Variants in DENND1B observed in about 807,000 individuals in gnomAD.
DENND1B encodes DENN domain-containing protein 1B.
DENND1B carries 59 observed loss-of-function variants against 90.1 expected under a neutral mutation model. The observed-to-expected ratio is 0.65, with a 90% CI of 0.53 to 0.81. DENND1B has a LOEUF of 0.81. DENND1B is among the 40% of genes least tolerant of loss of function. The pLI, the probability that DENND1B is intolerant of heterozygous loss-of-function variation, is 0.00. For synonymous variants in DENND1B, 337 were observed against 324.6 expected, an observed-to-expected ratio of 1.04 and a Z score of -0.41; for missense variants, 862 against 912.6, an observed-to-expected ratio of 0.94 and a Z score of 0.71.
At chr1:197,621,315 A>G (rs962866925) in intron 10 of DENND1B, among the ~76,000 whole-genome samples, 4 of 151,060 alleles carry the variant, frequency 2.6e-5, no homozygotes, top group Non-Finnish European at 5.9e-5. Context: ...TTAAAGGAAA[A>G]TAGAGCCTTC....
chr1:197,772,740 A>G, intron 2 of DENND1B, 128 bp downstream of exon 2: 1 of 726,002 alleles, frequency 1.4e-6, no homozygotes, highest in East Asian at 2.8e-5. Context: ...TGGGAGGATC[A>G]CCTGAACCCG....
intron 6 of DENND1B, among the ~76,000 whole-genome samples, chr1:197,653,731 G>A (rs1197767840): frequency 6.6e-6 from 1 of 151,280 alleles, no homozygotes; most frequent in Non-Finnish European, 1.5e-5. Flanking sequence ...ATTACTGATG[G>A]TTTCAGGAAA....
chr1:197,716,021 C>T (rs1775457), intron 2 of DENND1B, among the ~76,000 whole-genome samples: 127,400 of 151,606 alleles, frequency 0.84, 53,813 homozygotes, highest in African/African-American at 0.93. Flanking sequence ...TTGAACTCCA[C>T]GCCAAGTAAA....
intron 20 of DENND1B, among the ~76,000 whole-genome samples, chr1:197,522,456 G>C (rs1054956958): frequency 6.6e-6 from 1 of 152,044 alleles, no homozygotes; most frequent in African/African-American, 2.4e-5. Flanking sequence ...CCAGTCCATA[G>C]TGATTTCAGA....
At chr1:197,726,734 C>T (rs888750497) in intron 2 of DENND1B, among the ~76,000 whole-genome samples, 4 of 152,036 alleles carry the variant, frequency 2.6e-5, no homozygotes, top group Non-Finnish European at 4.4e-5. Flanking sequence ...AAAATGGGAT[C>T]GAGACCCAGA....
At chr1:197,718,475 A>C (rs146707148) in intron 2 of DENND1B, among the ~76,000 whole-genome samples, 20 of 152,020 alleles carry the variant, frequency 1.3e-4, no homozygotes, top group African/African-American at 4.8e-4. Flanking sequence ...GTAATGTATG[A>C]TTTTTATTCT....
intron 2 of DENND1B, among the ~76,000 whole-genome samples, chr1:197,766,577 G>C (rs1655728018): frequency 6.6e-6 from 1 of 152,112 alleles, no homozygotes; most frequent in Non-Finnish European, 1.5e-5. Flanking sequence ...ATGAAGAGAG[G>C]AAAGGAGACA....
At chr1:197,592,393 T>A (rs1675315889) in intron 14 of DENND1B, among the ~76,000 whole-genome samples, 1 of 152,168 alleles carries the variant, frequency 6.6e-6, no homozygotes, top group Non-Finnish European at 1.5e-5. Flanking sequence ...AATGGTCAGT[T>A]AACGTTTTAA....
At chr1:197,529,277 T>C (rs1030044274) in intron 20 of DENND1B, among the ~76,000 whole-genome samples, 1 of 137,218 alleles carries the variant, frequency 7.3e-6, no homozygotes. Flanking sequence ...TGTATATGTA[T>C]ATATGTATAT....
chr1:197,733,067 GA>G (rs1008731444), intron 2 of DENND1B, among the ~76,000 whole-genome samples: 19 of 151,916 alleles, frequency 1.3e-4, no homozygotes, highest in African/African-American at 3.4e-4. Flanking sequence ...GGAAATTGGG[GA>G]AAAAAACAAT....
At chr1:197,550,915 G>A (rs1671181646) in intron 16 of DENND1B, among the ~76,000 whole-genome samples, 1 of 151,788 alleles carries the variant, frequency 6.6e-6, no homozygotes, top group South Asian at 2.1e-4. Context: ...CAATAAATAT[G>A]AGCAATTATT....
At position 197,617,706 on chromosome 1, in the gene DENND1B, T is replaced by C. The variant is rs753358300; in HGVS notation, c.726A>G (p.Gln242=). 5 of 1,607,860 alleles carry C rather than the reference T, an allele frequency of 3.1e-6. No homozygotes were observed. The South Asian group carries it at 4.4e-5, about 14-fold the overall frequency. ...GAGGAAGCACTGGGATGTATATGTG[T>C]TGCCAATACATTGGGTATAGAAGAG... ...SAALLYPMYW[Q]HIYIPVLPPH... is the part of the protein sequence containing the mutation. Residue 242 remains glutamine, a synonymous_variant, in exon 11 of 23, where the codon CAA becomes CAG. Coordinates refer to ENST00000620048, the MANE Select transcript of DENND1B (RefSeq NM_001195215.2).
intron 20 of DENND1B, among the ~76,000 whole-genome samples, chr1:197,525,872 T>G (rs1669100533): frequency 6.6e-6 from 1 of 151,972 alleles, no homozygotes; most frequent in Non-Finnish European, 1.5e-5. Flanking sequence ...TTCAAAAGCA[T>G]TTACTATAAA....
chr1:197,721,070 T>G (rs1571496179), intron 2 of DENND1B, among the ~76,000 whole-genome samples: 1 of 141,100 alleles, frequency 7.1e-6, no homozygotes, highest in South Asian at 2.4e-4. Context: ...ACGGCATTTT[T>G]TTTTTTTTTT....
rs11805327 is a variant in DENND1B at position 197,586,801 on chromosome 1, A to G, written c.1048-3548T>C. 5.9e-3 allele frequency among the ~76,000 whole-genome samples: 898 copies of G among 152,342 alleles called. 13 individuals are homozygous for G. Among genetic ancestry groups the G allele is most frequent in the African/African-American group, 0.02 (840 of 41,572 alleles). ...CAAGAACATGGTCTCAACTGGAGAC[A>G]AGCTTCAGCCGAATCCCATGGGAAA... is the stretch of plus-strand genomic sequence containing the variant. On this transcript the variant is annotated intron_variant, in intron 14 of 22. Transcript: ENST00000620048.
chr1:197,633,130 A>C (rs1476414765), intron 10 of DENND1B, among the ~76,000 whole-genome samples: 1 of 152,198 alleles, frequency 6.6e-6, no homozygotes, highest in African/African-American at 2.4e-5. Flanking sequence ...CATACATACC[A>C]ATTATGGCCT....
At chr1:197,605,931 T>C (rs969600693) in intron 13 of DENND1B, 1 of 151,006 alleles carries the variant, frequency 6.6e-6, no homozygotes, top group African/African-American at 2.4e-5. Flanking sequence ...TATTTTTGAG[T>C]TTAGGATTTT....
chr1:197,525,313 T>C (rs145864067), intron 20 of DENND1B, among the ~76,000 whole-genome samples: 168 of 152,254 alleles, frequency 1.1e-3, no homozygotes, highest in African/African-American at 3.8e-3. Context: ...CACTAACTTT[T>C]CAGGACCAAA....
intron 20 of DENND1B, among the ~76,000 whole-genome samples, chr1:197,531,403 T>TC (rs1669603890): frequency 0.011 from 10 of 948 alleles, 1 homozygote; most frequent in African/African-American, 0.011. Flanking sequence ...TTTTTTTTTT[T>TC]TCTTTTTTTT....
Sources: allele counts gnomAD v4.1 joint callset (sites outside exome capture counted in the v4.1 genomes callset), GRCh38; gene constraint gnomAD v4.1.1; transcripts MANE v1.5; gene names NCBI Gene and HGNC (gene_info 2026-07-23, HGNC 2026-07-21).